Variants in ETV6 observed in about 807,000 individuals in gnomAD.
ETV6 encodes ETS variant transcription factor 6, also known as transcription factor ETV6.
In ETV6, 16 loss-of-function variants were observed where a neutral mutation model predicts 51.1. The ratio of observed to expected loss-of-function variants is 0.31; its 90% CI spans 0.21 to 0.48. The LOEUF (loss-of-function observed/expected upper bound fraction) is 0.48. Ranked by LOEUF, ETV6 falls within the 20% of genes least tolerant of loss-of-function variation. The pLI, the probability that ETV6 is intolerant of heterozygous loss-of-function variation, is 0.99. For missense variants in ETV6, 458 were observed against 594.8 expected (o/e 0.77, Z 2.39); for synonymous variants, 240 against 224.1 (o/e 1.07, Z -0.64).
At chr12:11,815,233 T>C (rs76082537) in intron 2 of ETV6, among the ~76,000 whole-genome samples, 4 of 152,220 alleles carry the variant, frequency 2.6e-5, no homozygotes, top group African/African-American at 9.6e-5. Context: ...ACTTTCCAGA[T>C]GAGAAAACAA....
chr12:11,837,459 T>G lies in ETV6; in HGVS notation c.164-1681T>G, dbSNP rs374295362. On this transcript the variant is annotated intron_variant, in intron 2 of 7. Transcript: ENST00000396373. Reference sequence around the variant, plus strand: ...GAAGCCAACTACCATTCCTCAAAACTACACTTTGCAAAGGAGCCACTTGGA... The same window carrying G: ...GAAGCCAACTACCATTCCTCAAAACGACACTTTGCAAAGGAGCCACTTGGA... 9.2e-5 allele frequency among the ~76,000 whole-genome samples: 14 copies of G among 152,298 alleles called. No individual in the cohort carries two copies. The South Asian group carries it at 2.5e-3, about 27-fold the overall frequency.
Position 11,806,771 on chromosome 12 carries a change from C to T in ETV6, c.164-32369C>T, listed in dbSNP as rs73052030. Among the ~76,000 whole-genome samples, 1,462 of 152,248 alleles carry T rather than the reference C, an allele frequency of 9.6e-3. 16 individuals carry two copies. The highest frequency in any genetic ancestry group is 0.011 in the Non-Finnish European group (779 of 68,014). ...GCATGTTCTGTGTAGGGATAAATAG[C>T]AAGTTTCAGGCCCCTGCATTTATTG... On this transcript the variant is annotated intron_variant, in intron 2 of 7. Transcript: ENST00000396373.
At chr12:11,858,563 T>C (rs1008336552) in intron 4 of ETV6, among the ~76,000 whole-genome samples, 35 of 152,180 alleles carry the variant, frequency 2.3e-4, no homozygotes, top group African/African-American at 8.4e-4. Flanking sequence ...ATATGCAGTC[T>C]GTAGGGAGAA....
chr12:11,894,301 A>T lies in ETV6; in HGVS notation c.*3255A>T. ...TGCCGTGTGATGGATGTGCATTCTC[A>T]CTTGGGTCTTGAAGTTCTCATTCCT... On this transcript the variant is annotated 3_prime_UTR_variant, in exon 8 of 8. Coordinates refer to ENST00000396373, the MANE Select transcript of ETV6 (RefSeq NM_001987.5). 4.3e-6 allele frequency: 1 copy of T among 233,030 alleles called. No homozygotes were observed. The highest frequency in any genetic ancestry group is 6.0e-5 in the East Asian group (1 of 16,566). 14.4% of individuals were successfully genotyped at this position (233,030 alleles called of 1,614,324 possible). A position where few individuals can be genotyped will look rare whatever the true frequency, so the allele number is the denominator to read the frequency against.
chr12:11,870,216 A>T (rs1031899636), intron 5 of ETV6, among the ~76,000 whole-genome samples: 6 of 152,180 alleles, frequency 3.9e-5, no homozygotes, highest in Non-Finnish European at 8.8e-5. Flanking sequence ...CGTCCAGCTT[A>T]CAAGGAGAGT....
chr12:11,699,094 A>G (rs117908585), intron 1 of ETV6, among the ~76,000 whole-genome samples: 2,706 of 152,338 alleles, frequency 0.018, 56 homozygotes, highest in East Asian at 0.11. Flanking sequence ...AGTTCCTGCA[A>G]TATTGCAAAG....
intron 1 of ETV6, among the ~76,000 whole-genome samples, chr12:11,740,929 A>G (rs1340141053): frequency 6.6e-6 from 1 of 152,134 alleles, no homozygotes; most frequent in Non-Finnish European, 1.5e-5. Flanking sequence ...TAGCCCTTCA[A>G]CCTCAATTTC....
intron 2 of ETV6, among the ~76,000 whole-genome samples, chr12:11,790,959 C>T (rs1043054597): frequency 1.7e-4 from 26 of 152,042 alleles, no homozygotes; most frequent in African/African-American, 6.0e-4. Context: ...GGGATTGCAG[C>T]TGTGAGCCAT....
chr12:11,822,176 G>C (rs1041421863), intron 2 of ETV6, among the ~76,000 whole-genome samples: 3 of 152,222 alleles, frequency 2.0e-5, no homozygotes, highest in African/African-American at 7.2e-5. Flanking sequence ...GCGAGGCATA[G>C]TGGGCATCTC....
At chr12:11,660,915 C>T (rs1490103093) in intron 1 of ETV6, among the ~76,000 whole-genome samples, 3 of 152,200 alleles carry the variant, frequency 2.0e-5, no homozygotes, top group African/African-American at 7.2e-5. Flanking sequence ...TCTTTGGATA[C>T]TCATAACCCA....
At chr12:11,883,433 A>G (rs2136591291) in intron 5 of ETV6, among the ~76,000 whole-genome samples, 1 of 151,606 alleles carries the variant, frequency 6.6e-6, no homozygotes, top group South Asian at 2.1e-4. Flanking sequence ...AGCTGGGATT[A>G]CAGGCACACG....
intron 2 of ETV6, among the ~76,000 whole-genome samples, chr12:11,797,143 A>G (rs1443626595): frequency 2.0e-5 from 3 of 152,350 alleles, no homozygotes; most frequent in Non-Finnish European, 2.9e-5. Flanking sequence ...TGTCCCTAAC[A>G]GATCTAATCA....
At chr12:11,693,267 T>C (rs1864803294) in intron 1 of ETV6, among the ~76,000 whole-genome samples, 1 of 152,132 alleles carries the variant, frequency 6.6e-6, no homozygotes, top group South Asian at 2.1e-4. Context: ...TGGCAAGTGG[T>C]TGGCTTTGAC....
intron 1 of ETV6, among the ~76,000 whole-genome samples, chr12:11,706,826 C>T (rs1169584667): frequency 6.6e-6 from 1 of 152,204 alleles, no homozygotes; most frequent in Non-Finnish European, 1.5e-5. Context: ...TAAATGGAAT[C>T]GAGGTGAAAT....
At chr12:11,882,209 C>T (rs1387998306) in intron 5 of ETV6, among the ~76,000 whole-genome samples, 1 of 152,192 alleles carries the variant, frequency 6.6e-6, no homozygotes, top group African/African-American at 2.4e-5. Context: ...ATGGTAGTTC[C>T]TTGAAAGATT....
chr12:11,810,256 T>C (rs931459786), intron 2 of ETV6, among the ~76,000 whole-genome samples: 2 of 152,208 alleles, frequency 1.3e-5, no homozygotes, highest in Non-Finnish European at 2.9e-5. Flanking sequence ...TTTATGTTCA[T>C]GGGCTTTCTA....
rs1947352600 is a variant in ETV6, at chr12:11,894,088, T to C, written c.*3042T>C. 2 of 229,128 alleles carry C rather than the reference T, an allele frequency of 8.7e-6. No individual in the cohort carries two copies. The highest frequency in any genetic ancestry group is 1.1e-4 in the Admixed American group (2 of 17,608). 14.2% of individuals were successfully genotyped at this position (229,128 alleles called of 1,614,324 possible). ...CAGACCCTAAAGATTTCAGATTCAG[T>C]TAGCAAACCTTGATGAAGCACCTGC... On this transcript the variant is annotated 3_prime_UTR_variant, in exon 8 of 8. Coordinates refer to ENST00000396373, the MANE Select transcript of ETV6 (RefSeq NM_001987.5).
In ETV6 at chr12:11,780,454, C is replaced by T. The variant is rs537767567; in HGVS notation, c.163+27875C>T. ...AACAAAAAGCTCTGAACAACTTAATCACAGAGAAAAAAAAAGCTTTTATTG... is the reference window on the plus strand; with the variant it reads ...AACAAAAAGCTCTGAACAACTTAATTACAGAGAAAAAAAAAGCTTTTATTG... On this transcript the variant is annotated intron_variant, in intron 2 of 7. Transcript: ENST00000396373. Among the ~76,000 whole-genome samples the T allele has an allele frequency of 4.1e-4, 62 of 152,008 alleles. 1 individual carries two copies. In the South Asian group the frequency reaches 0.013, roughly 31 times the overall value.
At chr12:11,691,099 G>A (rs1864752738) in intron 1 of ETV6, among the ~76,000 whole-genome samples, 1 of 152,058 alleles carries the variant, frequency 6.6e-6, no homozygotes. Context: ...TCAGGCTGCT[G>A]ACTTCTCACT....
Sources: gnomAD v4.1 joint callset for allele counts (sites outside exome capture counted in the v4.1 genomes callset) on GRCh38, gnomAD v4.1.1 for gene constraint, MANE v1.5 for transcripts, NCBI Gene and HGNC (gene_info 2026-07-23, HGNC 2026-07-21) for gene names.